TMTC2: variants seen among roughly 807,000 people sequenced by gnomAD.
TMTC2 encodes the protein transmembrane O-mannosyltransferase targeting cadherins 2.
Under a neutral mutation model 82.4 loss-of-function variants are expected in TMTC2, and 43 were observed. That is an observed-to-expected ratio of 0.52 (90% confidence interval 0.41 to 0.67). The LOEUF (loss-of-function observed/expected upper bound fraction) is 0.67. Among genes scored for constraint, TMTC2 ranks in the 30% least tolerant of loss-of-function variants. TMTC2 has a pLI of 0.00. For synonymous variants in TMTC2, 408 were observed against 381.9 expected, an observed-to-expected ratio of 1.07 and a Z score of -0.80; for missense variants, 919 against 1,012.4, an observed-to-expected ratio of 0.91 and a Z score of 1.25.
At chr12:82,788,492 T>A (rs571389135) in intron 1 of TMTC2, among the ~76,000 whole-genome samples, 1 of 152,218 alleles carries the variant, frequency 6.6e-6, no homozygotes, top group East Asian at 1.9e-4. Flanking sequence ...TGGGGTTGCT[T>A]GAGTGGTGGG....
intron 1 of TMTC2, among the ~76,000 whole-genome samples, chr12:82,716,384 G>A (rs924961248): frequency 7.6e-6 from 1 of 131,500 alleles, no homozygotes; most frequent in Non-Finnish European, 1.6e-5. Flanking sequence ...TTTTTTTTGA[G>A]ACGGAGTCTC....
At chr12:82,690,141 A>G (rs544568985) in intron 1 of TMTC2, among the ~76,000 whole-genome samples, 9 of 152,224 alleles carry the variant, frequency 5.9e-5, no homozygotes, top group African/African-American at 1.4e-4. Flanking sequence ...TATATTTTCT[A>G]TCTAACTACT....
At chr12:82,930,619 T>C in intron 4 of TMTC2, 74 bp downstream of exon 4, 1 of 869,024 alleles carries the variant, frequency 1.2e-6, no homozygotes, top group Non-Finnish European at 1.8e-6. Context: ...ATTTAACTGC[T>C]GGAAATGGAG....
At chr12:83,074,790 C>T (rs1883230678) in intron 11 of TMTC2, among the ~76,000 whole-genome samples, 1 of 152,104 alleles carries the variant, frequency 6.6e-6, no homozygotes, top group South Asian at 2.1e-4. Flanking sequence ...GGCTACCCAC[C>T]TCCCAGCTGT....
chr12:83,033,216 T>G (rs1385181913), intron 9 of TMTC2, among the ~76,000 whole-genome samples: 1 of 152,192 alleles, frequency 6.6e-6, no homozygotes, highest in African/African-American at 2.4e-5. Flanking sequence ...GATTCTTTGC[T>G]CACTGTGCTC....
intron 11 of TMTC2, among the ~76,000 whole-genome samples, chr12:83,079,358 T>C (rs1345119844): frequency 6.6e-6 from 1 of 152,162 alleles, no homozygotes; most frequent in Non-Finnish European, 1.5e-5. Flanking sequence ...AACCTAATAA[T>C]TCTCCCAATA....
chr12:82,899,610 A>G (rs1791163342), intron 3 of TMTC2, among the ~76,000 whole-genome samples: 1 of 135,752 alleles, frequency 7.4e-6, no homozygotes, highest in African/African-American at 3.1e-5. Context: ...TGTGGAATAT[A>G]TATATATAAG....
intron 2 of TMTC2, among the ~76,000 whole-genome samples, chr12:82,888,814 T>A (rs1873236804): frequency 6.6e-6 from 1 of 152,332 alleles, no homozygotes; most frequent in East Asian, 1.9e-4. Flanking sequence ...ATATTGTATA[T>A]CCCACTGCTG....
intron 2 of TMTC2, among the ~76,000 whole-genome samples, chr12:82,865,581 T>C (rs1387398692): frequency 6.6e-6 from 1 of 152,184 alleles, no homozygotes; most frequent in African/African-American, 2.4e-5. Flanking sequence ...AACACCCCAC[T>C]GTCAACATTA....
intron 1 of TMTC2, among the ~76,000 whole-genome samples, chr12:82,693,548 CAA>C (rs1389921474): frequency 6.6e-6 from 1 of 152,040 alleles, no homozygotes; most frequent in East Asian, 1.9e-4. Flanking sequence ...GCCGTATTTT[CAA>C]GACAGTTAGG....
At chr12:82,872,058 T>A (rs528190807) in intron 2 of TMTC2, among the ~76,000 whole-genome samples, 6 of 115,828 alleles carry the variant, frequency 5.2e-5, no homozygotes, top group African/African-American at 2.8e-4. Flanking sequence ...AAGACTGAGT[T>A]TCAAAGTAAA....
In TMTC2 at chr12:83,112,666, G is replaced by A. The variant is rs115847569; in HGVS notation, c.2332-19544G>A. On this transcript the variant is annotated intron_variant, in intron 11 of 11. Coordinates refer to ENST00000321196, the MANE Select transcript of TMTC2 (RefSeq NM_152588.3). ...AAGAATAATGTGTAATAGCAGAAAAGGATCTTGCCTCTGGTTTCTTACATA... is the reference window on the plus strand; with the variant it reads ...AAGAATAATGTGTAATAGCAGAAAAAGATCTTGCCTCTGGTTTCTTACATA... 3.5e-3 allele frequency among the ~76,000 whole-genome samples: 527 copies of A among 152,284 alleles called. 4 individuals are homozygous for A. The highest frequency in any genetic ancestry group is 0.012 in the African/African-American group (506 of 41,570).
chr12:82,978,897 A>G (rs1281725937), intron 7 of TMTC2, among the ~76,000 whole-genome samples: 1 of 151,694 alleles, frequency 6.6e-6, no homozygotes, highest in Admixed American at 6.6e-5. Flanking sequence ...CAATTGTTAT[A>G]TCCTCTTGCT....
intron 3 of TMTC2, among the ~76,000 whole-genome samples, chr12:82,905,937 C>T (rs1440567828): frequency 6.7e-6 from 1 of 148,558 alleles, no homozygotes; most frequent in Non-Finnish European, 1.5e-5. Flanking sequence ...AAGAGCGAAA[C>T]TCTGTCTCAA....
chr12:82,835,724 T>A (rs1412545819), intron 1 of TMTC2, among the ~76,000 whole-genome samples: 1 of 152,208 alleles, frequency 6.6e-6, no homozygotes, highest in African/African-American at 2.4e-5. Context: ...TGGAGTTCTA[T>A]TGGAGACACA....
At chr12:82,998,794 A>G (rs887806557) in intron 8 of TMTC2, among the ~76,000 whole-genome samples, 1 of 152,134 alleles carries the variant, frequency 6.6e-6, no homozygotes. Flanking sequence ...AAACTATTCC[A>G]ACATGAAAAA....
Position 82,910,962 on chromosome 12 carries a change from C to G in TMTC2, c.1483+14316C>G, listed in dbSNP as rs570499215. ...GTGGTGTGATCTTGGCTCACTGCAACCTCCACCACCCGGTTTCACGCCATT... is the reference window on the plus strand; with the variant it reads ...GTGGTGTGATCTTGGCTCACTGCAAGCTCCACCACCCGGTTTCACGCCATT... On this transcript the variant is annotated intron_variant, in intron 3 of 11. Coordinates refer to ENST00000321196, the MANE Select transcript of TMTC2 (RefSeq NM_152588.3). Among the ~76,000 whole-genome samples, 4 of 151,928 alleles carry G rather than the reference C, an allele frequency of 2.6e-5. No homozygotes were observed. The East Asian group carries it at 7.8e-4, about 30-fold the overall frequency.
intron 1 of TMTC2, among the ~76,000 whole-genome samples, chr12:82,692,554 G>A (rs1244319293): frequency 1.3e-5 from 2 of 152,138 alleles, no homozygotes; most frequent in African/African-American, 4.8e-5. Context: ...TACCCTTAAG[G>A]CTCTTTGAAA....
At position 82,687,662 on chromosome 12, in the gene TMTC2, G is replaced by C; in HGVS notation, c.76G>C (p.Asp26His). The C allele has an allele frequency of 6.2e-7, 1 of 1,604,120 alleles. No individual in the cohort carries two copies. ...LNTLSADFCY[D>H]DSRAIKTNQD... ...CACCCTGAGTGCGGATTTCTGCTAT[G>C]ATGACAGGTAAGGGGCCGAGAGGAG... Residue 26 changes from aspartate to histidine, a missense_variant, in exon 1 of 12, where the codon GAT (aspartate) becomes CAT (histidine). Transcript: ENST00000321196.
Sources: allele counts gnomAD v4.1 joint callset (sites outside exome capture counted in the v4.1 genomes callset), GRCh38; gene constraint gnomAD v4.1.1; transcripts MANE v1.5; gene names NCBI Gene and HGNC (gene_info 2026-07-23, HGNC 2026-07-21).